The following CNTN1 variants were observed in gnomAD, a reference collection of about 807,000 sequenced individuals.
The protein encoded by CNTN1 is contactin 1.
CNTN1 carries 38 observed loss-of-function variants against 126.4 expected under a neutral mutation model. That is an observed-to-expected ratio of 0.30 (90% confidence interval 0.23 to 0.39). The LOEUF is 0.39. Ranked by LOEUF, CNTN1 falls within the 10% of genes least tolerant of loss-of-function variation. CNTN1 has a pLI of 1.00. For synonymous variants in CNTN1, 413 were observed against 422.6 expected, an observed-to-expected ratio of 0.98 and a Z score of 0.28; for missense variants, 1,009 against 1,248.4, an observed-to-expected ratio of 0.81 and a Z score of 2.89.
intron 1 of CNTN1, among the ~76,000 whole-genome samples, chr12:40,789,129 T>C (rs1433626803): frequency 6.6e-5 from 10 of 152,136 alleles, no homozygotes. Context: ...GATTGATTTT[T>C]TCCATATATA....
chr12:41,064,452 A>G (rs978324278), intron 23 of CNTN1, among the ~76,000 whole-genome samples: 2 of 152,234 alleles, frequency 1.3e-5, no homozygotes, highest in African/African-American at 4.8e-5. Context: ...AATACAGTGC[A>G]GGTCTAGAAC....
chr12:40,993,273 T>C lies in CNTN1; in HGVS notation c.2113+4T>C, dbSNP rs374007989. The C allele has an allele frequency of 3.1e-6, 5 of 1,612,898 alleles. No individual in the cohort carries two copies. The highest frequency in any genetic ancestry group is 4.2e-6 in the Non-Finnish European group (5 of 1,179,156). ...AGAATTAAAACAGACGGTGCTGGTA[T>C]GTATATACAAGAAACTTGAAATTTT... On this transcript the variant is annotated splice_donor_region_variant and intron_variant, in intron 17 of 23. Coordinates refer to ENST00000551295, the MANE Select transcript of CNTN1 (RefSeq NM_001843.4).
intron 1 of CNTN1, among the ~76,000 whole-genome samples, chr12:40,830,797 A>G (rs910263122): frequency 0.19 from 8,894 of 47,492 alleles, 600 homozygotes; most frequent in Non-Finnish European, 0.22. Flanking sequence ...TAGTGTATAT[A>G]TATATATATA....
At chr12:40,947,995 A>C (rs894283325) in intron 14 of CNTN1, among the ~76,000 whole-genome samples, 1 of 151,726 alleles carries the variant, frequency 6.6e-6, no homozygotes, top group Non-Finnish European at 1.5e-5. Context: ...GGTGACTCTG[A>C]TCCAGGGATT....
At chr12:41,002,334 C>G (rs1411777091) in intron 17 of CNTN1, among the ~76,000 whole-genome samples, 2 of 152,024 alleles carry the variant, frequency 1.3e-5, no homozygotes, top group Admixed American at 1.3e-4. Context: ...TTGTAGTTCT[C>G]CTTGTAGAGA....
At chr12:40,946,156 C>G (rs1946427298) in intron 14 of CNTN1, among the ~76,000 whole-genome samples, 1 of 152,120 alleles carries the variant, frequency 6.6e-6, no homozygotes, top group South Asian at 2.1e-4. Context: ...GAAGCTATCC[C>G]TGGCACCTTC....
intron 1 of CNTN1, among the ~76,000 whole-genome samples, chr12:40,799,558 A>AT (rs148363343): frequency 0.011 from 1,726 of 152,070 alleles, 44 homozygotes; most frequent in African/African-American, 0.039. Flanking sequence ...GAGAGATAAT[A>AT]TTTTCTGAAT....
At chr12:40,810,891 G>T (rs1941035951) in intron 1 of CNTN1, among the ~76,000 whole-genome samples, 1 of 152,130 alleles carries the variant, frequency 6.6e-6, no homozygotes, top group South Asian at 2.1e-4. Context: ...AGGCATGGTG[G>T]TACATGACTG....
chr12:40,762,957 T>C (rs2136419111), intron 1 of CNTN1: 1 of 152,284 alleles, frequency 6.6e-6, no homozygotes, highest in South Asian at 2.1e-4. Flanking sequence ...AGTGTTTGGG[T>C]CATGGGGCAG....
chr12:40,911,205 C>T (rs11834033), intron 3 of CNTN1, among the ~76,000 whole-genome samples: 166 of 152,216 alleles, frequency 1.1e-3, no homozygotes, highest in African/African-American at 3.8e-3. Context: ...CTCAGCCTCC[C>T]GAGTAGCTGG....
At chr12:40,820,201 C>A (rs751781244) in intron 1 of CNTN1, among the ~76,000 whole-genome samples, 3 of 152,082 alleles carry the variant, frequency 2.0e-5, no homozygotes, top group Non-Finnish European at 4.4e-5. Flanking sequence ...GAGGAAGTAC[C>A]AGGCTCTTTT....
intron 1 of CNTN1, among the ~76,000 whole-genome samples, chr12:40,787,146 C>A (rs1592086522): frequency 6.6e-6 from 1 of 152,224 alleles, no homozygotes; most frequent in East Asian, 1.9e-4. Flanking sequence ...AGTATAAAGT[C>A]ATACTGTTCA....
At chr12:40,974,295 A>G (rs1947611079) in intron 15 of CNTN1, among the ~76,000 whole-genome samples, 1 of 152,076 alleles carries the variant, frequency 6.6e-6, no homozygotes, top group East Asian at 1.9e-4. Context: ...TACTTATCTG[A>G]GTTAACACTG....
intron 17 of CNTN1, among the ~76,000 whole-genome samples, chr12:41,011,856 A>G (rs1024423986): frequency 6.6e-6 from 1 of 152,174 alleles, no homozygotes; most frequent in Admixed American, 6.5e-5. Flanking sequence ...CTTACTAATT[A>G]AGTACCATTC....
At chr12:40,737,359 G>GTGTGTATATATATA (rs1304140380) in intron 1 of CNTN1, among the ~76,000 whole-genome samples, 8 of 113,268 alleles carry the variant, frequency 7.1e-5, no homozygotes, top group African/African-American at 2.7e-4. Flanking sequence ...ATGTGTGTGT[G>GTGTGTATATATATA]TATATATATA....
intron 1 of CNTN1, among the ~76,000 whole-genome samples, chr12:40,826,620 C>G (rs556627671): frequency 1.3e-5 from 2 of 152,292 alleles, no homozygotes; most frequent in African/African-American, 4.8e-5. Context: ...TCTCTGAAGT[C>G]TGCACCTATT....
At chr12:40,971,849 T>G (rs778493264) in intron 15 of CNTN1, 157 of 1,122,686 alleles carry the variant, frequency 1.4e-4, no homozygotes, top group Middle Eastern at 1.2e-3. Context: ...TATGAAGAAC[T>G]GATGAATTGT....
intron 1 of CNTN1, among the ~76,000 whole-genome samples, chr12:40,742,889 A>G (rs749550447): frequency 2.0e-5 from 3 of 152,248 alleles, no homozygotes; most frequent in South Asian, 4.1e-4. Context: ...CAATGATACA[A>G]TAATGAGTAA....
At chr12:41,059,144 C>T (rs1012037758) in intron 23 of CNTN1, among the ~76,000 whole-genome samples, 2 of 152,130 alleles carry the variant, frequency 1.3e-5, no homozygotes, top group African/African-American at 4.8e-5. Flanking sequence ...AATACCAATA[C>T]ACTAGGAGAA....
Sources: allele counts gnomAD v4.1 joint callset (sites outside exome capture counted in the v4.1 genomes callset), GRCh38; gene constraint gnomAD v4.1.1; transcripts MANE v1.5; gene names NCBI Gene and HGNC (gene_info 2026-07-23, HGNC 2026-07-21).